Variants in MOB3B observed in about 807,000 individuals in gnomAD.
The protein encoded by MOB3B is MOB kinase activator-like 2B.
MOB3B carries 7 observed loss-of-function variants against 18.7 expected under a neutral mutation model. The ratio of observed to expected loss-of-function variants is 0.37; its 90% CI spans 0.21 to 0.70. MOB3B has a LOEUF of 0.70. Among genes scored for constraint, MOB3B ranks in the 30% least tolerant of loss-of-function variants. The probability of loss-of-function intolerance (pLI) is 0.52; values close to 1 mark genes in which losing one functional copy is unlikely to be tolerated. For synonymous variants in MOB3B, 111 were observed against 99.9 expected (o/e 1.11, Z -0.66); for missense variants, 253 against 281.3 (o/e 0.90, Z 0.72).
chr9:27,378,708 T>C (rs952716038), intron 2 of MOB3B: 3 of 470,798 alleles, frequency 6.4e-6, no homozygotes, highest in African/African-American at 6.0e-5. Flanking sequence ...TCTTTGAGTA[T>C]TGCATGTGCA....
At chr9:27,481,049 C>T (rs753870086) in intron 1 of MOB3B, among the ~76,000 whole-genome samples, 2 of 152,096 alleles carry the variant, frequency 1.3e-5, no homozygotes, top group Non-Finnish European at 2.9e-5. Context: ...AACTATTGAT[C>T]ACTTTAGAAT....
intron 2 of MOB3B, among the ~76,000 whole-genome samples, chr9:27,387,104 G>A (rs1821659782): frequency 6.6e-6 from 1 of 152,218 alleles, no homozygotes; most frequent in African/African-American, 2.4e-5. Context: ...CTAAATGTGT[G>A]CTTGCTGAGA....
At chr9:27,503,154 C>G (rs1369731891) in intron 1 of MOB3B, among the ~76,000 whole-genome samples, 4 of 152,000 alleles carry the variant, frequency 2.6e-5, no homozygotes, top group African/African-American at 9.7e-5. Flanking sequence ...GGAGGAAGAA[C>G]ATGACACACG....
chr9:27,364,420 G>A (rs1208376682), intron 2 of MOB3B, among the ~76,000 whole-genome samples: 2 of 152,144 alleles, frequency 1.3e-5, no homozygotes, highest in Non-Finnish European at 2.9e-5. Flanking sequence ...AAATATATTG[G>A]CAAAAATGCT....
At chr9:27,336,762 G>A (rs1412699044) in intron 3 of MOB3B, among the ~76,000 whole-genome samples, 7 of 152,010 alleles carry the variant, frequency 4.6e-5, no homozygotes, top group Admixed American at 6.5e-5. Flanking sequence ...AATACAGCAC[G>A]CCCGCACACG....
chr9:27,492,230 C>G (rs535049637), intron 1 of MOB3B, among the ~76,000 whole-genome samples: 3 of 152,006 alleles, frequency 2.0e-5, no homozygotes, highest in Non-Finnish European at 2.9e-5. Context: ...AGGGGGATTA[C>G]GGAAGAGATT....
intron 1 of MOB3B, among the ~76,000 whole-genome samples, chr9:27,498,157 G>A (rs1472074620): frequency 1.3e-5 from 2 of 152,146 alleles, no homozygotes; most frequent in African/African-American, 4.8e-5. Context: ...GGTGCGTGTA[G>A]CCTCTATGGT....
chr9:27,516,031 A>G (rs1247211344), intron 1 of MOB3B, among the ~76,000 whole-genome samples: 1 of 152,216 alleles, frequency 6.6e-6, no homozygotes, highest in African/African-American at 2.4e-5. Context: ...ATGCATGAAA[A>G]ATGTCATGTA....
chr9:27,492,836 G>A (rs1819841321), intron 1 of MOB3B, among the ~76,000 whole-genome samples: 1 of 152,164 alleles, frequency 6.6e-6, no homozygotes, highest in Non-Finnish European at 1.5e-5. Context: ...GCAACGCTTT[G>A]GAACAAAGCA....
At chr9:27,343,430 T>G (rs1182730512) in intron 3 of MOB3B, among the ~76,000 whole-genome samples, 1 of 140,288 alleles carries the variant, frequency 7.1e-6, no homozygotes, top group East Asian at 2.1e-4. Context: ...CCTATGACCC[T>G]GCCAAATCCC....
intron 2 of MOB3B, among the ~76,000 whole-genome samples, chr9:27,435,881 G>C (rs770127430): frequency 9.8e-5 from 15 of 152,294 alleles, no homozygotes; most frequent in Admixed American, 4.6e-4. Context: ...GATTAAAGGT[G>C]TGAGCCACCA....
chr9:27,454,946 A>G (rs1822846946), intron 2 of MOB3B, among the ~76,000 whole-genome samples, 187 bp downstream of exon 2: 1 of 152,192 alleles, frequency 6.6e-6, no homozygotes. Flanking sequence ...AGTCCACAAA[A>G]TAAATGTAAG....
At chr9:27,333,882 C>G (rs1324306531) in intron 3 of MOB3B, among the ~76,000 whole-genome samples, 2 of 152,186 alleles carry the variant, frequency 1.3e-5, no homozygotes, top group African/African-American at 4.8e-5. Flanking sequence ...CCCTCCCACT[C>G]ACCACACCAG....
intron 1 of MOB3B, among the ~76,000 whole-genome samples, chr9:27,490,298 T>C (rs2492815): frequency 0.25 from 37,586 of 152,104 alleles, 4,828 homozygotes; most frequent in East Asian, 0.34. Context: ...GACACAGTTC[T>C]TGTCCTAAAG....
chr9:27,461,911 G>A (rs558443264), intron 1 of MOB3B, among the ~76,000 whole-genome samples: 1 of 152,306 alleles, frequency 6.6e-6, no homozygotes, highest in African/African-American at 2.4e-5. Context: ...AAAAGAGTGG[G>A]ATTTGTTTGG....
In MOB3B at chr9:27,337,058, C is replaced by T. The variant is rs10757654; in HGVS notation, c.622-6442G>A. 3.9e-5 allele frequency among the ~76,000 whole-genome samples: 6 copies of T among 152,150 alleles called. No homozygotes were observed. In the South Asian group the frequency reaches 1.2e-3, roughly 32 times the overall value. On this transcript the variant is annotated intron_variant, in intron 3 of 3. Transcript: ENST00000262244. ...TGCCCGAGCTTGGCCCTGTGGCCTG[C>T]CGTCAGCCCCATCTCCACTCAGATG...
intron 1 of MOB3B, among the ~76,000 whole-genome samples, chr9:27,509,718 G>GT (rs1052718368): frequency 2.5e-4 from 38 of 151,382 alleles, no homozygotes; most frequent in African/African-American, 8.2e-4. Context: ...TGCCTGGCCT[G>GT]TTTTTTGTTT....
At chr9:27,410,887 C>T (rs1266405177) in intron 2 of MOB3B, among the ~76,000 whole-genome samples, 1 of 151,862 alleles carries the variant, frequency 6.6e-6, no homozygotes, top group Admixed American at 6.6e-5. Flanking sequence ...ATCTTGTATC[C>T]CTTTATTTTT....
At chr9:27,418,091 CAAAAAAAAA>C (rs57850999) in intron 2 of MOB3B, among the ~76,000 whole-genome samples, 1 of 44,062 alleles carries the variant, frequency 2.3e-5, no homozygotes, top group East Asian at 8.9e-4. Context: ...GACTCCACCT[CAAAAAAAAA>C]AAAAAAAAAA....
Sources: allele counts gnomAD v4.1 joint callset (sites outside exome capture counted in the v4.1 genomes callset), GRCh38; gene constraint gnomAD v4.1.1; transcripts MANE v1.5; gene names NCBI Gene and HGNC (gene_info 2026-07-23, HGNC 2026-07-21).